SIK2: variants seen among roughly 807,000 people sequenced by gnomAD.
The protein encoded by SIK2 is serine/threonine-protein kinase SIK2.
A neutral mutation model predicts 103.2 loss-of-function variants in SIK2; 29 were observed. That is an observed-to-expected ratio of 0.28 (90% CI 0.21 to 0.38). The LOEUF is 0.38. Ranked by LOEUF, SIK2 falls within the 10% of genes least tolerant of loss-of-function variation. SIK2 has a pLI of 1.00. For synonymous variants in SIK2, 412 were observed against 446.1 expected (o/e 0.92, Z 0.96); for missense variants, 879 against 1,171.0 (o/e 0.75, Z 3.64).
chr11:111,641,753 G>T (rs1565326089), intron 3 of SIK2, among the ~76,000 whole-genome samples: 1 of 152,076 alleles, frequency 6.6e-6, no homozygotes, highest in African/African-American at 2.4e-5. Flanking sequence ...ACCTTTTATA[G>T]TGTAGACCTA....
chr11:111,726,014 T>G lies in SIK2; in HGVS notation c.*1885T>G, dbSNP rs567229423. On this transcript the variant is annotated 3_prime_UTR_variant, in exon 15 of 15. Coordinates refer to ENST00000304987, the MANE Select transcript of SIK2 (RefSeq NM_015191.3). ...TGTTTATTCCTGCTCGTGCTTAAGA[T>G]TGATGATTTCGTGAAATAAAGAACA... 1 of 152,360 alleles carries G rather than the reference T, an allele frequency of 6.6e-6. No homozygotes were observed. The highest frequency in any genetic ancestry group is 2.1e-4 in the South Asian group (1 of 4,834). The allele number at this position is 152,360 out of a possible 1,614,324, so 9.4% of individuals were successfully genotyped here.
At chr11:111,613,310 C>T (rs479667) in intron 1 of SIK2, among the ~76,000 whole-genome samples, 87,714 of 151,892 alleles carry the variant, frequency 0.58, 29,285 homozygotes, top group East Asian at 0.96. Context: ...ATAATCCCTT[C>T]TTTCCATCTT....
At chr11:111,658,880 TA>T (rs1190539830) in intron 3 of SIK2, among the ~76,000 whole-genome samples, 1 of 152,100 alleles carries the variant, frequency 6.6e-6, no homozygotes, top group Non-Finnish European at 1.5e-5. Context: ...GAAGAGGTGG[TA>T]GGGGAATGAG....
chr11:111,627,086 G>A (rs1941970984), intron 3 of SIK2, among the ~76,000 whole-genome samples: 1 of 152,062 alleles, frequency 6.6e-6, no homozygotes, highest in African/African-American at 2.4e-5. Flanking sequence ...GCAAAAAATT[G>A]TTGCCTATAT....
intron 3 of SIK2, among the ~76,000 whole-genome samples, chr11:111,666,714 A>C (rs1485020299): frequency 6.6e-6 from 1 of 152,176 alleles, no homozygotes; most frequent in Non-Finnish European, 1.5e-5. Flanking sequence ...AAATTTCATC[A>C]TACTGTTTTT....
chr11:111,649,714 G>C (rs1460197826), intron 3 of SIK2, among the ~76,000 whole-genome samples: 1 of 152,116 alleles, frequency 6.6e-6, no homozygotes, highest in Non-Finnish European at 1.5e-5. Context: ...ATGTAAGTCT[G>C]TACTTCTGTT....
At chr11:111,618,504 TC>T (rs1258352627) in intron 2 of SIK2, among the ~76,000 whole-genome samples, 4 of 152,052 alleles carry the variant, frequency 2.6e-5, no homozygotes, top group Admixed American at 1.3e-4. Flanking sequence ...GCCTCTTAGA[TC>T]AAATTTATAT....
intron 8 of SIK2, among the ~76,000 whole-genome samples, chr11:111,709,853 G>A (rs192329889): frequency 6.6e-5 from 10 of 152,324 alleles, no homozygotes; most frequent in Non-Finnish European, 1.2e-4. Context: ...AGTCCAGGTC[G>A]GATGTGAACA....
At chr11:111,712,834 A>G (rs1943539527) in intron 9 of SIK2, among the ~76,000 whole-genome samples, 2 of 152,168 alleles carry the variant, frequency 1.3e-5, no homozygotes, top group Admixed American at 6.5e-5. Flanking sequence ...GTGATCAGTT[A>G]TACATGTGTT....
At chr11:111,627,637 A>G (rs912064223) in intron 3 of SIK2, among the ~76,000 whole-genome samples, 2 of 152,154 alleles carry the variant, frequency 1.3e-5, no homozygotes, top group Admixed American at 1.3e-4. Flanking sequence ...ACTTAGATGG[A>G]AAAAAAACCA....
chr11:111,724,133 C>CA lies in SIK2; in HGVS notation c.*5dup, dbSNP rs1205832990. 6.2e-7 allele frequency: 1 copy of CA among 1,604,098 alleles called. No individual in the cohort carries two copies. The highest frequency in any genetic ancestry group is 1.1e-5 in the South Asian group (1 of 90,848). On this transcript the variant is annotated 3_prime_UTR_variant, in exon 15 of 15. Transcript: ENST00000304987. ...CGGGTATGTCCTGGTGAATTAGTCT[C>CA]AGCACAGGAATTGAGGTGGGTCAGG...
chr11:111,712,168 G>A (rs1943514057), intron 8 of SIK2, 43 bp from the exon 9 acceptor site: 2 of 1,564,094 alleles, frequency 1.3e-6, no homozygotes, highest in African/African-American at 1.4e-5. Flanking sequence ...TTATAGAGAA[G>A]GTATTCATGT....
chr11:111,608,116 C>T (rs1303225979), intron 1 of SIK2, among the ~76,000 whole-genome samples: 1 of 152,064 alleles, frequency 6.6e-6, no homozygotes, highest in Non-Finnish European at 1.5e-5. Flanking sequence ...TCCATCTTTT[C>T]GAAATAAATT....
chr11:111,697,805 A>G (rs1943112776), intron 4 of SIK2, among the ~76,000 whole-genome samples: 2 of 152,074 alleles, frequency 1.3e-5, no homozygotes, highest in Admixed American at 1.3e-4. Flanking sequence ...AGCCTACACA[A>G]CATAGTGAGA....
Position 111,620,355 on chromosome 11 carries a change from G to C in SIK2, c.269G>C (p.Ser90Thr). 6.3e-7 allele frequency: 1 copy of C among 1,592,776 alleles called. No homozygotes were observed. Among genetic ancestry groups the C allele is most frequent in the Non-Finnish European group, 8.5e-7 (1 of 1,170,856 alleles). Residue 90 changes from serine (S) to threonine (T), a missense_variant, in exon 3 of 15, where the codon AGT becomes ACT. Transcript: ENST00000304987. ...TATCAATAGGTAATGGAGACCAAAAGTATGTTGTACCTTGTGACAGAATAT... is the reference window on the plus strand; with the variant it reads ...TATCAATAGGTAATGGAGACCAAAACTATGTTGTACCTTGTGACAGAATAT... Reference protein sequence around the residue: ...IKLYQVMETKSMLYLVTEYAK... With the variant: ...IKLYQVMETKTMLYLVTEYAK...
intron 3 of SIK2, among the ~76,000 whole-genome samples, chr11:111,666,785 G>A (rs1414320989): frequency 6.6e-6 from 1 of 152,180 alleles, no homozygotes; most frequent in East Asian, 1.9e-4. Context: ...GAACTTGAGT[G>A]TAAATATTAG....
In SIK2 at chr11:111,724,197, T is replaced by G; in HGVS notation, c.*68T>G. ...TATGTTCCTATTTTTATTCCAGCCT[T>G]TTAAATTTAAAGCTTATTTTCTTGC... On this transcript the variant is annotated 3_prime_UTR_variant, in exon 15 of 15. Transcript: ENST00000304987. 1 of 1,524,904 alleles carries G rather than the reference T, an allele frequency of 6.6e-7. No individual in the cohort carries two copies. Among genetic ancestry groups the G allele is most frequent in the Non-Finnish European group, 8.8e-7 (1 of 1,142,396 alleles). The allele number at this position is 1,524,904 out of a possible 1,614,324, so 94.5% of individuals were successfully genotyped here.
chr11:111,685,338 C>T (rs948780272), intron 3 of SIK2, among the ~76,000 whole-genome samples: 1 of 152,184 alleles, frequency 6.6e-6, no homozygotes, highest in South Asian at 2.1e-4. Flanking sequence ...AGTGCTGGTC[C>T]GTGACCCAGG....
chr11:111,611,459 A>G (rs569155993), intron 1 of SIK2, among the ~76,000 whole-genome samples: 1 of 152,284 alleles, frequency 6.6e-6, no homozygotes, highest in African/African-American at 2.4e-5. Context: ...TTAGCTGACC[A>G]GGTTATTTAT....
Sources: allele counts gnomAD v4.1 joint callset (sites outside exome capture counted in the v4.1 genomes callset), GRCh38; gene constraint gnomAD v4.1.1; transcripts MANE v1.5; gene names NCBI Gene and HGNC (gene_info 2026-07-23, HGNC 2026-07-21).